The following CIRSR variants were observed in gnomAD, a reference collection of about 807,000 sequenced individuals.
The protein encoded by CIRSR is corepressor of RBPJ and splicing regulator, also known as CBF1 (RBPJ) interacting corepressor 1.
At chr2:174,370,010 A>C in the CIRSR span, 1 of 1,365,332 alleles carries the variant, frequency 7.3e-7, no homozygotes, top group Non-Finnish European at 9.8e-7. Flanking sequence ...TTTGTAACAC[A>C]GCATCTGCAA....
At chr2:174,371,127 T>C in the CIRSR span, among the ~76,000 whole-genome samples, 4 of 152,268 alleles carry the variant, frequency 2.6e-5, no homozygotes, top group East Asian at 7.7e-4. Context: ...TGCCTGAGGC[T>C]GGGGACTAGA....
chr2:174,377,781 C>T, the CIRSR span, among the ~76,000 whole-genome samples: 12 of 138,182 alleles, frequency 8.7e-5, 1 homozygote, highest in South Asian at 1.4e-3. Flanking sequence ...GCCGAGATTG[C>T]GCCACTGCAC....
the CIRSR span, chr2:174,380,887 T>C: frequency 2.6e-5 from 31 of 1,204,976 alleles, no homozygotes; most frequent in Non-Finnish European, 3.5e-5. Flanking sequence ...AAATCTACTG[T>C]ATACACTATG....
At chr2:174,368,155 C>G in the CIRSR span, among the ~76,000 whole-genome samples, 2 of 152,308 alleles carry the variant, frequency 1.3e-5, no homozygotes, top group East Asian at 3.9e-4. Context: ...CTATCAGTAA[C>G]TGACAGATTC....
At chr2:174,360,812 T>C in the CIRSR span, among the ~76,000 whole-genome samples, 2 of 152,206 alleles carry the variant, frequency 1.3e-5, no homozygotes. Context: ...TACAAAATTA[T>C]AATAATGTGT....
At chr2:174,356,557 A>AAGAAAGAAAGG in the CIRSR span, among the ~76,000 whole-genome samples, 1 of 147,914 alleles carries the variant, frequency 6.8e-6, no homozygotes, top group Non-Finnish European at 1.5e-5. Flanking sequence ...GAAGGAAAGG[A>AAGAAAGAAAGG]AGAAAGAAAG....
chr2:174,387,456 AAGACTGTATATG>A, the CIRSR span: 1 of 368,312 alleles, frequency 2.7e-6, no homozygotes. Context: ...GACTTGCTCA[AAGACTGTATATG>A]AGTCACGTGA....
At chr2:174,360,078 G>C in the CIRSR span, among the ~76,000 whole-genome samples, 1 of 152,200 alleles carries the variant, frequency 6.6e-6, no homozygotes, top group Non-Finnish European at 1.5e-5. Context: ...GGGAATGGGG[G>C]AGGGATAGCA....
chr2:174,395,241 G>A, the CIRSR span, among the ~76,000 whole-genome samples: 1 of 152,164 alleles, frequency 6.6e-6, no homozygotes, highest in East Asian at 1.9e-4. Context: ...GATCCGAAAA[G>A]ACAAAAAACC....
chr2:174,381,998 A>G, the CIRSR span, among the ~76,000 whole-genome samples: 1 of 152,152 alleles, frequency 6.6e-6, no homozygotes, highest in Non-Finnish European at 1.5e-5. Context: ...CTTTCTTACT[A>G]CCTGAGAGAT....
the CIRSR span, among the ~76,000 whole-genome samples, chr2:174,354,435 TATATA>T: frequency 0.01 from 470 of 45,732 alleles, 3 homozygotes; most frequent in Middle Eastern, 0.034. Context: ...TTATATGATA[TATATA>T]ATATATTATA....
At chr2:174,390,388 T>C in the CIRSR span, among the ~76,000 whole-genome samples, 5 of 152,228 alleles carry the variant, frequency 3.3e-5, no homozygotes, top group Non-Finnish European at 5.9e-5. Flanking sequence ...TTTGTCCAAA[T>C]TGTCCCATTG....
the CIRSR span, among the ~76,000 whole-genome samples, chr2:174,388,286 C>G: frequency 6.6e-6 from 1 of 152,240 alleles, no homozygotes; most frequent in Non-Finnish European, 1.5e-5. Context: ...GCAACCTCTT[C>G]CTCCCAGGTT....
chr2:174,394,887 A>G, the CIRSR span, among the ~76,000 whole-genome samples: 1 of 152,218 alleles, frequency 6.6e-6, no homozygotes, highest in Non-Finnish European at 1.5e-5. Flanking sequence ...AATCCTCACA[A>G]TTAAGTCAAT....
At chr2:174,371,285 C>CAACGAAAAACA in the CIRSR span, among the ~76,000 whole-genome samples, 1 of 152,126 alleles carries the variant, frequency 6.6e-6, no homozygotes, top group African/African-American at 2.4e-5. Flanking sequence ...AATTATAGTT[C>CAACGAAAAACA]ACGAAAGTTG....
At chr2:174,380,357 A>G in the CIRSR span, 3 of 773,796 alleles carry the variant, frequency 3.9e-6, no homozygotes, top group South Asian at 2.1e-5. Context: ...ATTATGAAAT[A>G]TATTACTTCA....
the CIRSR span, among the ~76,000 whole-genome samples, chr2:174,362,204 G>C: frequency 6.6e-6 from 1 of 152,138 alleles, no homozygotes; most frequent in Non-Finnish European, 1.5e-5. Context: ...TACTCTGAAG[G>C]CTGAGGTGGG....
At chr2:174,368,531 G>C in the CIRSR span, among the ~76,000 whole-genome samples, 1 of 152,122 alleles carries the variant, frequency 6.6e-6, no homozygotes, top group Non-Finnish European at 1.5e-5. Context: ...TTGAACTAAA[G>C]AAAATGGCTG....
the CIRSR span, among the ~76,000 whole-genome samples, chr2:174,352,913 A>G: frequency 6.6e-6 from 1 of 152,094 alleles, no homozygotes; most frequent in Non-Finnish European, 1.5e-5. Flanking sequence ...TACTTTGTCT[A>G]TTTCTTTTTA....
Sources: allele counts gnomAD v4.1 joint callset (sites outside exome capture counted in the v4.1 genomes callset), GRCh38; gene constraint gnomAD v4.1.1; transcripts MANE v1.5; gene names NCBI Gene and HGNC (gene_info 2026-07-23, HGNC 2026-07-21).